The following ATF1 variants were observed in gnomAD, a reference collection of about 807,000 sequenced individuals.
ATF1 encodes the protein activating transcription factor 1.
A neutral mutation model predicts 34.7 loss-of-function variants in ATF1; 16 were observed. That is an observed-to-expected ratio of 0.46 (90% CI 0.31 to 0.70). ATF1 has a LOEUF of 0.70. Ranked by LOEUF, ATF1 falls within the 30% of genes least tolerant of loss-of-function variation. ATF1 has a pLI of 0.05. For missense variants in ATF1, 255 were observed against 321.6 expected (o/e 0.79, Z 1.58); for synonymous variants, 105 against 113.1 (o/e 0.93, Z 0.46).
At chr12:50,773,943 C>T (rs1592167333) in intron 1 of ATF1, among the ~76,000 whole-genome samples, 1 of 152,276 alleles carries the variant, frequency 6.6e-6, no homozygotes. Context: ...TTTTGATTTA[C>T]ATTTCTCTAA....
intron 1 of ATF1, among the ~76,000 whole-genome samples, chr12:50,773,581 G>A (rs1031512463): frequency 7.1e-6 from 1 of 139,960 alleles, no homozygotes; most frequent in Non-Finnish European, 1.6e-5. Flanking sequence ...AGTCACCCAC[G>A]ATGCCAGCTA....
Position 50,821,076 on chromosome 12 carries a change from G to A in ATF1, c.*1297G>A. Reference sequence around the variant, plus strand: ...CAAAACTATTGTGTGCTCTTACACAGTATGCATCATATTGTTGTCTGTGAA... The same window carrying A: ...CAAAACTATTGTGTGCTCTTACACAATATGCATCATATTGTTGTCTGTGAA... On this transcript the variant is annotated 3_prime_UTR_variant, in exon 7 of 7. Transcript: ENST00000262053. 1 of 179,386 alleles carries A rather than the reference G, an allele frequency of 5.6e-6. No homozygotes were observed. The highest frequency in any genetic ancestry group is 1.2e-5 in the Non-Finnish European group (1 of 83,676). The allele number at this position is 179,386 out of a possible 1,614,324, so 11.1% of individuals were successfully genotyped here.
In ATF1 at chr12:50,819,795, A is replaced by ATAT. The variant is rs763106110; in HGVS notation, c.*18_*20dup. The ATAT allele has an allele frequency of 6.7e-7, 1 of 1,499,844 alleles. No individual in the cohort carries two copies. The highest frequency in any genetic ancestry group is 9.1e-7 in the Non-Finnish European group (1 of 1,104,334). The allele number at this position is 1,499,844 out of a possible 1,614,324, so 92.9% of individuals were successfully genotyped here. On this transcript the variant is annotated 3_prime_UTR_variant, in exon 7 of 7. Coordinates refer to ENST00000262053, the MANE Select transcript of ATF1 (RefSeq NM_005171.5). ...AAGTGTTTGATTCCTAAGAAAGAAA[A>ATAT]TATTTTTGTGGACATGCATAAAAAT...
chr12:50,809,260 G>A (rs1202483692), intron 3 of ATF1, among the ~76,000 whole-genome samples, 196 bp from the exon 4 acceptor site: 1 of 151,358 alleles, frequency 6.6e-6, no homozygotes, highest in Non-Finnish European at 1.5e-5. Context: ...TCTGGTCTCA[G>A]CTACTTGGGA....
intron 1 of ATF1, among the ~76,000 whole-genome samples, chr12:50,767,154 G>C (rs1940657104): frequency 6.6e-6 from 1 of 152,124 alleles, no homozygotes; most frequent in South Asian, 2.1e-4. Flanking sequence ...TGGCAAAAGG[G>C]TAAGAATGTA....
At chr12:50,797,202 C>T (rs1296521585) in intron 3 of ATF1, among the ~76,000 whole-genome samples, 1 of 152,098 alleles carries the variant, frequency 6.6e-6, no homozygotes, top group Non-Finnish European at 1.5e-5. Flanking sequence ...CTAGTCTCTC[C>T]AGGAGAGAAA....
At chr12:50,796,131 C>T in intron 3 of ATF1, 122 bp downstream of exon 3, 1 of 826,924 alleles carries the variant, frequency 1.2e-6, no homozygotes, top group East Asian at 3.0e-5. Flanking sequence ...AATTGGTTGG[C>T]CCTCGCCTAT....
At chr12:50,796,104 G>A (rs1417204271) in intron 3 of ATF1, 95 bp downstream of exon 3, 5 of 1,028,272 alleles carry the variant, frequency 4.9e-6, no homozygotes, top group South Asian at 3.4e-5. Flanking sequence ...GTTAGCACGC[G>A]TCAGTGTTAA....
At chr12:50,766,032 G>A (rs1348419574) in intron 1 of ATF1, among the ~76,000 whole-genome samples, 2 of 151,920 alleles carry the variant, frequency 1.3e-5, no homozygotes, top group Non-Finnish European at 2.9e-5. Flanking sequence ...TATTTCTTGC[G>A]CGAGATCCAA....
At chr12:50,815,078 C>T (rs1048909306) in intron 6 of ATF1, among the ~76,000 whole-genome samples, 2 of 151,798 alleles carry the variant, frequency 1.3e-5, no homozygotes, top group Admixed American at 6.6e-5. Flanking sequence ...GCTGAGATTG[C>T]GCCACTGCAC....
intron 1 of ATF1, among the ~76,000 whole-genome samples, chr12:50,771,204 C>G (rs1201286964): frequency 6.6e-6 from 1 of 152,104 alleles, no homozygotes; most frequent in Non-Finnish European, 1.5e-5. Flanking sequence ...TAGGGTTTCA[C>G]CATGTTGGCC....
At chr12:50,816,819 A>G (rs1941852550) in intron 6 of ATF1, among the ~76,000 whole-genome samples, 1 of 152,106 alleles carries the variant, frequency 6.6e-6, no homozygotes, top group South Asian at 2.1e-4. Context: ...TGATCACGCC[A>G]TTGTACTTCA....
Position 50,795,970 on chromosome 12 carries a change from A to G in ATF1, c.155A>G (p.Gln52Arg), listed in dbSNP as rs764630602. The change falls in exon 3 of 7, where the codon CAG becomes CGG. Residue 52 changes from glutamine (Q) to arginine (R), a missense_variant. Physicochemically the swap from Gln to Arg is conservative, Grantham distance 43. Around this residue, in one of 2 missense-constraint regions of ATF1, gnomAD observed 221 missense variants for 250.7 expected, o/e 0.88. Transcript: ENST00000262053. ...QDSSDSIGSS[Q>R]KAHGILARRP... ...TCATCCGACAGCATAGGCTCCTCAC[A>G]GAAAGCCCACGGGATCCTAGCACGG... 1.1e-5 allele frequency: 18 copies of G among 1,612,940 alleles called. No homozygotes were observed. Among genetic ancestry groups the G allele is most frequent in the Non-Finnish European group, 1.5e-5 (18 of 1,179,750 alleles).
At chr12:50,811,158 G>A (rs1335835934) in intron 4 of ATF1, among the ~76,000 whole-genome samples, 1 of 152,024 alleles carries the variant, frequency 6.6e-6, no homozygotes, top group Non-Finnish European at 1.5e-5. Context: ...ATCCTTATGT[G>A]GCTACTCTGC....
intron 1 of ATF1, among the ~76,000 whole-genome samples, chr12:50,773,756 A>T (rs981513176): frequency 6.6e-6 from 1 of 151,604 alleles, no homozygotes; most frequent in Non-Finnish European, 1.5e-5. Context: ...CGCCTGGCTA[A>T]TTTTTGTATT....
chr12:50,807,230 C>A lies in ATF1; in HGVS notation c.195-2226C>A, dbSNP rs1941632948. On this transcript the variant is annotated intron_variant, in intron 3 of 6. Coordinates refer to ENST00000262053, the MANE Select transcript of ATF1 (RefSeq NM_005171.5). ...CAAGAACAGCCTGGGCAACATAGGCCCCATCTCTACTAAAAAAATAAAAAA... is the reference window on the plus strand; with the variant it reads ...CAAGAACAGCCTGGGCAACATAGGCACCATCTCTACTAAAAAAATAAAAAA... Among the ~76,000 whole-genome samples, 3 of 151,428 alleles carry A rather than the reference C, an allele frequency of 2.0e-5. No homozygotes were observed. In the South Asian group the frequency reaches 6.3e-4, roughly 32 times the overall value.
At chr12:50,780,320 A>G (rs774206374) in intron 2 of ATF1, 82 bp downstream of exon 2, 44 of 1,256,826 alleles carry the variant, frequency 3.5e-5, no homozygotes, top group Non-Finnish European at 4.6e-5. Context: ...CTGATTATTA[A>G]TGTGTTTTAT....
At chr12:50,775,001 C>T (rs931726729) in intron 1 of ATF1, among the ~76,000 whole-genome samples, 5 of 152,018 alleles carry the variant, frequency 3.3e-5, no homozygotes, top group African/African-American at 1.2e-4. Context: ...GCCTCGGCCT[C>T]CCAAAGTGCT....
At chr12:50,780,010 A>T in intron 1 of ATF1, 130 bp from the exon 2 acceptor site, 1 of 550,816 alleles carries the variant, frequency 1.8e-6, no homozygotes, top group East Asian at 3.3e-5. Context: ...TCCCCTTTCT[A>T]TCTCTATACC....
Sources: gnomAD v4.1 joint callset for allele counts (sites outside exome capture counted in the v4.1 genomes callset) on GRCh38, gnomAD v4.1.1 for gene constraint, gnomAD v4.1.1 regional missense constraint, MANE v1.5 for transcripts, NCBI Gene and HGNC (gene_info 2026-07-23, HGNC 2026-07-21) for gene names.